The following RYR3 variants were observed in gnomAD, a reference collection of about 807,000 sequenced individuals.
RYR3 encodes ryanodine receptor 3.
A neutral mutation model predicts 584.3 loss-of-function variants in RYR3; 207 were observed. That is an observed-to-expected ratio of 0.35 (90% CI 0.32 to 0.40). The LOEUF (loss-of-function observed/expected upper bound fraction) is 0.40, where lower values mean the gene tolerates loss of function less well. Ranked by LOEUF, RYR3 falls within the 10% of genes least tolerant of loss-of-function variation. The probability of loss-of-function intolerance (pLI) is 1.00; values close to 1 mark genes in which losing one functional copy is unlikely to be tolerated. For missense variants in RYR3, 5,616 were observed against 6,089.2 expected, an observed-to-expected ratio of 0.92 and a Z score of 2.59; for synonymous variants, 2,416 against 2,248.5, an observed-to-expected ratio of 1.07 and a Z score of -2.11.
At chr15:33,570,743 T>G (rs1027287613) in intron 12 of RYR3, among the ~76,000 whole-genome samples, 6 of 152,178 alleles carry the variant, frequency 3.9e-5, no homozygotes, top group African/African-American at 1.4e-4. Flanking sequence ...TTAATTATTT[T>G]CAGGAAGATA....
At chr15:33,540,750 C>A in intron 6 of RYR3, 41 bp from the exon 7 acceptor site, 1 of 1,259,078 alleles carries the variant, frequency 7.9e-7, no homozygotes, top group Non-Finnish European at 1.2e-6. Flanking sequence ...CGGCACTGGA[C>A]TGGTGATTTA....
chr15:33,621,286 A>C (rs7168848), intron 19 of RYR3, among the ~76,000 whole-genome samples: 2,890 of 152,196 alleles, frequency 0.019, 72 homozygotes, highest in African/African-American at 0.059. Flanking sequence ...CTTACTTGCT[A>C]TACAAGCTAC....
intron 1 of RYR3, among the ~76,000 whole-genome samples, chr15:33,441,273 C>T (rs180917648): frequency 3.8e-4 from 58 of 152,076 alleles, no homozygotes; most frequent in Non-Finnish European, 4.9e-4. Flanking sequence ...ATTTTCTGAC[C>T]ATCCTTTTCA....
chr15:33,587,297 A>G (rs555794027), intron 16 of RYR3, among the ~76,000 whole-genome samples: 24 of 152,214 alleles, frequency 1.6e-4, no homozygotes, highest in Non-Finnish European at 3.1e-4. Context: ...AGAATAATCA[A>G]TAGGCACCTG....
At chr15:33,427,250 C>T (rs564432440) in intron 1 of RYR3, among the ~76,000 whole-genome samples, 2 of 152,252 alleles carry the variant, frequency 1.3e-5, no homozygotes, top group East Asian at 3.9e-4. Context: ...ATGTTCCACT[C>T]TTTGTTGGAT....
At position 33,812,963 on chromosome 15, in the gene RYR3, G is replaced by A. The variant is rs1287597737; in HGVS notation, c.10358G>A (p.Arg3453Lys). Residue 3453 changes from arginine (R) to lysine (K), a missense_variant, in exon 73 of 104, where the codon AGA becomes AAA. Transcript: ENST00000634891. ...NPEKTVERVQ[R>K]ISAAVFHLEQ... ...GAAAAGACAGTGGAGCGTGTGCAGA[G>A]AATTTCAGCAGCTGTCTTCCACCTG... The A allele has an allele frequency of 2.5e-6, 4 of 1,613,878 alleles. No individual in the cohort carries two copies. In the African/African-American group the frequency reaches 5.3e-5, roughly 22 times the overall value.
intron 38 of RYR3, among the ~76,000 whole-genome samples, chr15:33,676,227 C>T (rs1252258485): frequency 8.2e-6 from 1 of 121,764 alleles, no homozygotes; most frequent in Non-Finnish European, 1.7e-5. Flanking sequence ...CAAATGTACG[C>T]TGCCTCTAGA....
chr15:33,695,986 G>C (rs575613750), intron 38 of RYR3, among the ~76,000 whole-genome samples: 1 of 140,532 alleles, frequency 7.1e-6, no homozygotes, highest in African/African-American at 2.6e-5. Context: ...GTAGCAACAG[G>C]GTCTCGCTTT....
chr15:33,525,586 G>T (rs946218683), intron 3 of RYR3, among the ~76,000 whole-genome samples: 18 of 152,130 alleles, frequency 1.2e-4, no homozygotes, highest in African/African-American at 4.3e-4. Flanking sequence ...ATACAATGAG[G>T]TTTTGTAGTT....
intron 1 of RYR3, among the ~76,000 whole-genome samples, chr15:33,456,094 C>G (rs960201322): frequency 2.3e-4 from 35 of 152,174 alleles, no homozygotes; most frequent in Non-Finnish European, 3.1e-4. Context: ...TTAACCCTCA[C>G]TTTCAGTAAG....
intron 94 of RYR3, chr15:33,851,549 A>T (rs973830800): frequency 6.6e-6 from 1 of 152,186 alleles, no homozygotes; most frequent in African/African-American, 2.4e-5. Flanking sequence ...AAGGACTCGT[A>T]ACAAGTAAAA....
intron 1 of RYR3, among the ~76,000 whole-genome samples, chr15:33,379,280 G>C (rs1365655766): frequency 6.6e-6 from 1 of 152,064 alleles, no homozygotes; most frequent in Non-Finnish European, 1.5e-5. Context: ...TCATAAAAAA[G>C]AATAGAAGCG....
chr15:33,513,481 G>A (rs1164424373), intron 3 of RYR3, among the ~76,000 whole-genome samples: 2 of 152,178 alleles, frequency 1.3e-5, no homozygotes, highest in Non-Finnish European at 2.9e-5. Flanking sequence ...GTGGGAATAA[G>A]ACCAAATATA....
chr15:33,713,682 G>A (rs2067282112), intron 43 of RYR3, among the ~76,000 whole-genome samples: 1 of 152,152 alleles, frequency 6.6e-6, no homozygotes, highest in African/African-American at 2.4e-5. Flanking sequence ...CATAGACAAG[G>A]TAGCTTATAA....
At chr15:33,788,918 A>C (rs1046212381) in intron 67 of RYR3, among the ~76,000 whole-genome samples, 5 of 152,196 alleles carry the variant, frequency 3.3e-5, no homozygotes, top group Non-Finnish European at 7.3e-5. Context: ...CAACCCATAT[A>C]AGTAAATTAT....
chr15:33,784,259 C>G (rs1011455255), intron 65 of RYR3, among the ~76,000 whole-genome samples: 1 of 152,226 alleles, frequency 6.6e-6, no homozygotes, highest in African/African-American at 2.4e-5. Context: ...CAGTCCCTTT[C>G]AATTGACCAG....
chr15:33,611,750 T>C (rs1353507261), intron 18 of RYR3, among the ~76,000 whole-genome samples: 1 of 151,970 alleles, frequency 6.6e-6, no homozygotes, highest in African/African-American at 2.4e-5. Context: ...CCTCCACCTC[T>C]TGGGTTCAAG....
At chr15:33,413,261 G>T (rs1567188458) in intron 1 of RYR3, among the ~76,000 whole-genome samples, 1 of 152,210 alleles carries the variant, frequency 6.6e-6, no homozygotes, top group African/African-American at 2.4e-5. Flanking sequence ...ATCCTCAAAA[G>T]ATTTGTCTTG....
chr15:33,666,748 C>T (rs771637221), intron 36 of RYR3, among the ~76,000 whole-genome samples: 9 of 152,104 alleles, frequency 5.9e-5, no homozygotes, highest in Non-Finnish European at 1.2e-4. Context: ...TGAGATTAGT[C>T]CAAGGGTTGC....
Sources: gnomAD v4.1 joint callset for allele counts (sites outside exome capture counted in the v4.1 genomes callset) on GRCh38, gnomAD v4.1.1 for gene constraint, MANE v1.5 for transcripts, NCBI Gene and HGNC (gene_info 2026-07-23, HGNC 2026-07-21) for gene names.